The following COBLL1 variants were observed in gnomAD, a reference collection of about 807,000 sequenced individuals.
The protein encoded by COBLL1 is cordon-bleu protein-like 1.
Under a neutral mutation model 94.8 loss-of-function variants are expected in COBLL1, and 50 were observed. That is an observed-to-expected ratio of 0.53 (90% CI 0.42 to 0.67). COBLL1 has a LOEUF of 0.67. Ranked by LOEUF, COBLL1 falls within the 30% of genes least tolerant of loss-of-function variation. The pLI is 0.00. For synonymous variants in COBLL1, 448 were observed against 473.8 expected (o/e 0.95, Z 0.71); for missense variants, 1,362 against 1,348.7 (o/e 1.01, Z -0.15).
chr2:164,780,840 A>C (rs1688693898), intron 2 of COBLL1, among the ~76,000 whole-genome samples: 1 of 152,260 alleles, frequency 6.6e-6, no homozygotes, highest in South Asian at 2.1e-4. Flanking sequence ...TTTCATGGAG[A>C]CTGCTGTCGC....
At chr2:164,698,809 A>C (rs2105440092) in intron 11 of COBLL1, among the ~76,000 whole-genome samples, 1 of 152,118 alleles carries the variant, frequency 6.6e-6, no homozygotes, top group African/African-American at 2.4e-5. Flanking sequence ...GAATGGGTAA[A>C]ATAGATGAAA....
At chr2:164,676,980 A>G (rs1205842853), downstream of COBLL1, among the ~76,000 whole-genome samples, 1 of 152,154 alleles carries the variant, frequency 6.6e-6, no homozygotes, top group African/African-American at 2.4e-5. Context: ...TAGAATAAAC[A>G]TCACTGATAA....
rs577039473 is a variant in COBLL1 at position 164,726,946 on chromosome 2, T to C, written c.661+1023A>G. Among the ~76,000 whole-genome samples, 6 of 152,236 alleles carry C rather than the reference T, an allele frequency of 3.9e-5. 1 individual carries two copies. Among genetic ancestry groups the C allele is most frequent in the African/African-American group, 1.4e-4 (6 of 41,590 alleles). On this transcript the variant is annotated intron_variant, in intron 5 of 13. Coordinates refer to ENST00000652658, the MANE Select transcript of COBLL1 (RefSeq NM_001365672.2). ...ATTCAGAAATCAAGGGGAAGGAACC[T>C]ATACATTTTTCAAGGAAATAAAACC...
intron 2 of COBLL1, among the ~76,000 whole-genome samples, chr2:164,795,143 C>G (rs993817279): frequency 1.3e-5 from 2 of 152,126 alleles, no homozygotes. Flanking sequence ...CCCTAAATGT[C>G]TCTTTAAAGG....
rs1683063019 is a variant in COBLL1 at position 164,681,975 on chromosome 2, T to C, written c.*3971A>G. 6.6e-6 allele frequency: 1 copy of C among 152,198 alleles called. No individual in the cohort carries two copies. The highest frequency in any genetic ancestry group is 6.5e-5 in the Admixed American group (1 of 15,272). The allele number at this position is 152,198 out of a possible 1,614,324, so 9.4% of individuals were successfully genotyped here. A position where few individuals can be genotyped will look rare whatever the true frequency, so the allele number is the denominator to read the frequency against. ...AAATTTGCAGGAAAGTGGTAACATT[T>C]AAGAGAAAAGGAAAACCAACTGAAG... On this transcript the variant is annotated 3_prime_UTR_variant, in exon 14 of 14. Transcript: ENST00000652658.
At chr2:164,773,259 A>C (rs1359145695) in intron 2 of COBLL1, among the ~76,000 whole-genome samples, 2 of 152,108 alleles carry the variant, frequency 1.3e-5, no homozygotes, top group Non-Finnish European at 2.9e-5. Flanking sequence ...GTAAAAGCTA[A>C]AGCCCTAGAT....
chr2:164,775,521 G>C (rs1401632559), intron 2 of COBLL1, among the ~76,000 whole-genome samples: 3 of 152,102 alleles, frequency 2.0e-5, no homozygotes, highest in African/African-American at 4.8e-5. Flanking sequence ...GGAGTGCAGT[G>C]GTGTGACTTT....
Position 164,722,214 on chromosome 2 carries a change from G to T in COBLL1, c.857C>A (p.Pro286Gln), listed in dbSNP as rs770148857. The T allele has an allele frequency of 6.2e-7, 1 of 1,613,986 alleles. No homozygotes were observed. Among genetic ancestry groups the T allele is most frequent in the Admixed American group, 1.7e-5 (1 of 60,002 alleles). The change falls in exon 7 of 14, where the codon CCG becomes CAG. Residue 286 changes from proline to glutamine, a missense_variant. Coordinates refer to ENST00000652658, the MANE Select transcript of COBLL1 (RefSeq NM_001365672.2). ...CCGCCTCTTCTTGGGTGCATCCGAC[G>T]GCAGGGTGTTGGAAATATATGGTTT... ...ISKPYISNTLPSDAPKKRRAP... is the reference protein window; with the variant it reads ...ISKPYISNTLQSDAPKKRRAP...
chr2:164,777,494 A>G (rs1426795462), intron 2 of COBLL1, among the ~76,000 whole-genome samples: 1 of 152,144 alleles, frequency 6.6e-6, no homozygotes, highest in Non-Finnish European at 1.5e-5. Flanking sequence ...GCACCTATGC[A>G]CCTGAGGATT....
chr2:164,743,939 G>A, intron 2 of COBLL1, 64 bp from the exon 3 acceptor site: 1 of 1,184,178 alleles, frequency 8.4e-7, no homozygotes, highest in South Asian at 1.8e-5. Context: ...TTTTTAATAT[G>A]ATGTATTTTT....
intron 2 of COBLL1, among the ~76,000 whole-genome samples, chr2:164,661,064 T>C (rs1405290278): frequency 6.6e-6 from 1 of 152,154 alleles, no homozygotes; most frequent in Non-Finnish European, 1.5e-5. Flanking sequence ...TACCGTGAAA[T>C]TGAACTCCTT....
intron 11 of COBLL1, among the ~76,000 whole-genome samples, chr2:164,699,056 C>T (rs537624383): frequency 1.9e-4 from 29 of 149,380 alleles, no homozygotes; most frequent in African/African-American, 7.0e-4. Context: ...ACAGAAGAAA[C>T]ATTTTTAAGA....
intron 2 of COBLL1, among the ~76,000 whole-genome samples, chr2:164,790,637 A>G (rs1683142148): frequency 6.6e-6 from 1 of 152,220 alleles, no homozygotes; most frequent in Admixed American, 6.5e-5. Flanking sequence ...TACATAAAAA[A>G]TCTGAGAGAC....
At chr2:164,668,792 T>G (rs753509719) in intron 1 of COBLL1, among the ~76,000 whole-genome samples, 11 of 152,248 alleles carry the variant, frequency 7.2e-5, no homozygotes, top group Non-Finnish European at 1.6e-4. Flanking sequence ...TTTATCTACT[T>G]GTCTATTGTT....
intron 3 of COBLL1, among the ~76,000 whole-genome samples, chr2:164,736,912 A>C (rs117230351): frequency 6.6e-6 from 1 of 152,374 alleles, no homozygotes; most frequent in East Asian, 1.9e-4. Flanking sequence ...CTGCCTGCTT[A>C]ATGAAATTGC....
chr2:164,797,775 G>A (rs1425202088), intron 2 of COBLL1, among the ~76,000 whole-genome samples: 1 of 152,204 alleles, frequency 6.6e-6, no homozygotes, highest in African/African-American at 2.4e-5. Context: ...GAAAAAGCAA[G>A]TGAACACCTT....
intron 2 of COBLL1, among the ~76,000 whole-genome samples, chr2:164,658,442 T>C (rs1238652274): frequency 6.6e-6 from 1 of 152,150 alleles, no homozygotes; most frequent in Non-Finnish European, 1.5e-5. Flanking sequence ...ATCTTAGTCA[T>C]GGACTGCATC....
chr2:164,705,895 G>A (rs888501383), intron 7 of COBLL1, among the ~76,000 whole-genome samples: 11 of 152,130 alleles, frequency 7.2e-5, no homozygotes, highest in South Asian at 6.2e-4. Context: ...TTAGCCAGGC[G>A]TGGTGGCATG....
chr2:164,682,793 T>A lies in COBLL1; in HGVS notation c.*3153A>T, dbSNP rs1347969443. Reference sequence around the variant, plus strand: ...AGAAAGTAATTTGCCCAAGATCCCATGACTCATAAGTGGCAGACTTGTGAT... The same window carrying A: ...AGAAAGTAATTTGCCCAAGATCCCAAGACTCATAAGTGGCAGACTTGTGAT... On this transcript the variant is annotated 3_prime_UTR_variant, in exon 14 of 14. Coordinates refer to ENST00000652658, the MANE Select transcript of COBLL1 (RefSeq NM_001365672.2). The A allele has an allele frequency of 1.3e-5, 2 of 152,092 alleles. No individual in the cohort carries two copies. The highest frequency in any genetic ancestry group is 2.4e-5 in the African/African-American group (1 of 41,424). 9.4% of individuals were successfully genotyped at this position (152,092 alleles called of 1,614,324 possible). A position where few individuals can be genotyped will look rare whatever the true frequency, so the allele number is the denominator to read the frequency against.
Sources: gnomAD v4.1 joint callset for allele counts (sites outside exome capture counted in the v4.1 genomes callset) on GRCh38, gnomAD v4.1.1 for gene constraint, MANE v1.5 for transcripts, NCBI Gene and HGNC (gene_info 2026-07-23, HGNC 2026-07-21) for gene names.